ATAD3B: variants seen among roughly 807,000 people sequenced by gnomAD.
ATAD3B encodes the protein ATPase family AAA domain-containing protein 3B.
ATAD3B carries 59 observed loss-of-function variants against 70.2 expected under a neutral mutation model. The ratio of observed to expected loss-of-function variants is 0.84; its 90% CI spans 0.68 to 1.04. ATAD3B has a LOEUF of 1.04. ATAD3B is among the 50% of genes least tolerant of loss of function. The pLI is 0.00. For synonymous variants in ATAD3B, 423 were observed against 388.6 expected (o/e 1.09, Z -1.04); for missense variants, 961 against 913.4 (o/e 1.05, Z -0.67).
Position 1,477,185 on chromosome 1 carries a change from T to C in ATAD3B, c.206-89T>C, listed in dbSNP as rs547399752. On this transcript the variant is annotated intron_variant, in intron 1 of 15. Coordinates refer to ENST00000673477, the MANE Select transcript of ATAD3B (RefSeq NM_031921.6). The stretch of plus-strand genomic sequence containing the variant: ...CACCGCTTCCCACTAGGTTTTTGTA[T>C]TTTTAGTAGAGGTTGGGTTTCACCA... 11 of 1,527,160 alleles carry C rather than the reference T, an allele frequency of 7.2e-6. No individual in the cohort carries two copies. In the East Asian group the frequency reaches 1.9e-4, roughly 26 times the overall value. The allele number at this position is 1,527,160 out of a possible 1,614,324, so 94.6% of individuals were successfully genotyped here. A position where few individuals can be genotyped will look rare whatever the true frequency, so the allele number is the denominator to read the frequency against.
chr1:1,486,916 G>A (rs1242929891), intron 11 of ATAD3B, among the ~76,000 whole-genome samples: 1 of 150,902 alleles, frequency 6.6e-6, no homozygotes, highest in East Asian at 1.9e-4. Flanking sequence ...AGGGAGGTGG[G>A]TGGGTGCAGG....
At chr1:1,508,969 G>C in the ATAD3B span, among the ~76,000 whole-genome samples, 1 of 151,702 alleles carries the variant, frequency 6.6e-6, no homozygotes, top group Non-Finnish European at 1.5e-5. Context: ...TCTATTATTA[G>C]AAAGTCATTG....
At chr1:1,501,698 C>A (rs2100617509), downstream of ATAD3B, among the ~76,000 whole-genome samples, 1 of 152,098 alleles carries the variant, frequency 6.6e-6, no homozygotes, top group East Asian at 1.9e-4. Context: ...GCCTCTATTT[C>A]CACAAGAGTT....
chr1:1,506,713 G>C, the ATAD3B span, among the ~76,000 whole-genome samples: 1 of 151,190 alleles, frequency 6.6e-6, no homozygotes, highest in South Asian at 2.1e-4. Flanking sequence ...TTCTGCTGTT[G>C]ATTTTGTTTC....
In ATAD3B at chr1:1,471,814, T is replaced by C. The variant is rs1372314280; in HGVS notation, c.-71T>C. On this transcript the variant is annotated 5_prime_UTR_variant, in exon 1 of 16. Coordinates refer to ENST00000673477, the MANE Select transcript of ATAD3B (RefSeq NM_031921.6). ...CCACCGGCTCGCGGCGCGTGGAGGC[T>C]GCTCCCAGCCGCGCCCGAGTCAGAC... 7.3e-6 allele frequency: 9 copies of C among 1,231,512 alleles called. No individual in the cohort carries two copies. Among genetic ancestry groups the C allele is most frequent in the Non-Finnish European group, 9.1e-6 (9 of 985,516 alleles). 76.3% of individuals were successfully genotyped at this position (1,231,512 alleles called of 1,614,324 possible).
the ATAD3B span, chr1:1,503,136 A>G: frequency 2.5e-5 from 4 of 157,986 alleles, no homozygotes; most frequent in African/African-American, 9.6e-5. Flanking sequence ...GGCAGGAGAA[A>G]TGGCACGAAC....
At chr1:1,475,657 C>A (rs1484526965) in intron 1 of ATAD3B, among the ~76,000 whole-genome samples, 1 of 148,500 alleles carries the variant, frequency 6.7e-6, no homozygotes, top group African/African-American at 2.6e-5. Flanking sequence ...AGCACCAGCG[C>A]TCGCCCTGCA....
At chr1:1,481,583 C>T (rs711179) in intron 5 of ATAD3B, among the ~76,000 whole-genome samples, 9 of 101,372 alleles carry the variant, frequency 8.9e-5, no homozygotes, top group African/African-American at 3.7e-4. Context: ...CACTCTTCAC[C>T]GTGGGTGGGC....
At chr1:1,497,856 T>TAAAAA (rs1557438271), downstream of ATAD3B, 1 of 103,270 alleles carries the variant, frequency 9.7e-6, no homozygotes, top group African/African-American at 7.4e-5. Context: ...ACAGAACTGT[T>TAAAAA]TAAAAAAAAA....
chr1:1,489,167 G>A, intron 12 of ATAD3B, 37 bp from the exon 13 acceptor site: 2 of 1,612,616 alleles, frequency 1.2e-6, no homozygotes, highest in South Asian at 1.1e-5. Flanking sequence ...ACAAGGCTTT[G>A]CTTCTGGTGC....
In ATAD3B at chr1:1,485,864, G is replaced by A. The variant is rs376609592; in HGVS notation, c.963+26G>A. 3.8e-5 allele frequency: 62 copies of A among 1,612,648 alleles called. 1 individual carries two copies. Among genetic ancestry groups the A allele is most frequent in the Non-Finnish European group, 4.7e-5 (56 of 1,179,552 alleles). On this transcript the variant is annotated intron_variant, in intron 9 of 15. Transcript: ENST00000673477. ...GTAAGTCGGTGTGCCTGGGACCGGG[G>A]AGGTGCAGGGAGGGGACCCCGGAGC...
the ATAD3B span, among the ~76,000 whole-genome samples, chr1:1,504,696 G>A: frequency 6.6e-6 from 1 of 151,898 alleles, no homozygotes. Flanking sequence ...TCGACTGCTG[G>A]GCCTGCCATA....
intron 1 of ATAD3B, among the ~76,000 whole-genome samples, chr1:1,472,504 C>A (rs2100508364): frequency 1.3e-5 from 2 of 151,962 alleles, no homozygotes; most frequent in South Asian, 4.2e-4. Flanking sequence ...ACAAGGGAAG[C>A]GTATTTGAGA....
At chr1:1,485,705 G>C in intron 8 of ATAD3B, 77 bp from the exon 9 acceptor site, 4 of 1,593,120 alleles carry the variant, frequency 2.5e-6, no homozygotes, top group Non-Finnish European at 3.4e-6. Flanking sequence ...GTGTGTTACC[G>C]AGCATGTGTG....
In ATAD3B at chr1:1,480,949, C is replaced by T. The variant is rs1639881748; in HGVS notation, c.514+13C>T. On this transcript the variant is annotated intron_variant, in intron 5 of 15. Transcript: ENST00000673477. The stretch of plus-strand genomic sequence containing the variant: ...GCCATGCGGCGAGGTAGGCTGTCTG[C>T]TCTCCTGGCTGGGGCGGAGGTGGCG... 6.3e-7 allele frequency: 1 copy of T among 1,589,820 alleles called. No homozygotes were observed. Among genetic ancestry groups the T allele is most frequent in the East Asian group, 2.3e-5 (1 of 42,936 alleles).
chr1:1,508,912 C>T, the ATAD3B span, among the ~76,000 whole-genome samples: 1 of 151,328 alleles, frequency 6.6e-6, no homozygotes, highest in Admixed American at 6.5e-5. Context: ...ACCTGCCTCT[C>T]GGAAGCTGCC....
At chr1:1,507,999 GCTCCTGC>G in the ATAD3B span, among the ~76,000 whole-genome samples, 1 of 152,208 alleles carries the variant, frequency 6.6e-6, no homozygotes, top group South Asian at 2.1e-4. Context: ...CTTCTGGTGG[GCTCCTGC>G]CAGGTCCCGT....
chr1:1,505,358 A>G, the ATAD3B span, among the ~76,000 whole-genome samples: 1 of 148,282 alleles, frequency 6.7e-6, no homozygotes, highest in Admixed American at 6.6e-5. Flanking sequence ...TCTAAAAGGC[A>G]AAGCCAGGTG....
intron 15 of ATAD3B, among the ~76,000 whole-genome samples, chr1:1,495,122 A>G (rs1396126857): frequency 6.6e-6 from 1 of 152,036 alleles, no homozygotes; most frequent in Non-Finnish European, 1.5e-5. Context: ...TCTGAGGTGC[A>G]CTATGACCCG....
Sources: allele counts gnomAD v4.1 joint callset (sites outside exome capture counted in the v4.1 genomes callset), GRCh38; gene constraint gnomAD v4.1.1; transcripts MANE v1.5; gene names NCBI Gene and HGNC (gene_info 2026-07-23, HGNC 2026-07-21).